The following P2RX4 variants were observed in gnomAD, a reference collection of about 807,000 sequenced individuals.
The protein encoded by P2RX4 is P2X purinoceptor 4.
Under a neutral mutation model 48.0 loss-of-function variants are expected in P2RX4, and 37 were observed. The ratio of observed to expected loss-of-function variants is 0.77; its 90% CI spans 0.59 to 1.01. P2RX4 has a LOEUF of 1.01. P2RX4 is among the 50% of genes least tolerant of loss of function. The pLI is 0.00. For synonymous variants in P2RX4, 200 were observed against 199.7 expected, an observed-to-expected ratio of 1.00 and a Z score of -0.01; for missense variants, 501 against 521.4, an observed-to-expected ratio of 0.96 and a Z score of 0.38.
chr12:121,227,050 G>A (rs963311924), intron 5 of P2RX4, among the ~76,000 whole-genome samples: 1 of 151,970 alleles, frequency 6.6e-6, no homozygotes, highest in East Asian at 1.9e-4. Context: ...AGAGGTTGCA[G>A]TGAGCCGAGA....
chr12:121,217,110 T>G, intron 1 of P2RX4, 24 bp from the exon 2 acceptor site: 2 of 1,612,854 alleles, frequency 1.2e-6, no homozygotes, highest in Non-Finnish European at 1.7e-6. Context: ...AATGGCAATT[T>G]AAGAGGCCTG....
chr12:121,223,615 TAGGACTCTGTC>T (rs1886789838), intron 5 of P2RX4, among the ~76,000 whole-genome samples: 1 of 152,302 alleles, frequency 6.6e-6, no homozygotes, highest in East Asian at 1.9e-4. Flanking sequence ...CCTTGTATGT[TAGGACTCTGTC>T]AGTTGCAAAT....
intron 5 of P2RX4, among the ~76,000 whole-genome samples, chr12:121,227,951 C>T (rs1050331121): frequency 6.6e-6 from 1 of 151,522 alleles, no homozygotes; most frequent in African/African-American, 2.4e-5. Flanking sequence ...TTTCATTAGC[C>T]AGGCATGGTG....
At chr12:121,233,380 C>A in intron 11 of P2RX4, 143 bp from the exon 12 acceptor site, 1 of 814,428 alleles carries the variant, frequency 1.2e-6, no homozygotes, top group South Asian at 1.5e-5. Flanking sequence ...CTTCAGTGCA[C>A]CTTGCGGAAC....
intron 3 of P2RX4, 41 bp downstream of exon 3, chr12:121,222,025 C>G (rs1266175203): frequency 6.3e-7 from 1 of 1,598,000 alleles, no homozygotes; most frequent in South Asian, 1.1e-5. Context: ...CCACACCCCT[C>G]TCCACGCCTG....
In P2RX4 at chr12:121,222,088, T is replaced by C; in HGVS notation, c.355-6T>C. On this transcript the variant is annotated splice_region_variant and splice_polypyrimidine_tract_variant and intron_variant, in intron 3 of 11. Transcript: ENST00000337233. The stretch of plus-strand genomic sequence containing the variant: ...TGGACTTTCTTTTCGCTCCTTCTTT[T>C]TCCAGATTCCAGATGCGACCACTGT... 1 of 1,613,418 alleles carries C rather than the reference T, an allele frequency of 6.2e-7. No individual in the cohort carries two copies. Among genetic ancestry groups the C allele is most frequent in the Non-Finnish European group, 8.5e-7 (1 of 1,179,320 alleles).
At chr12:121,228,235 CAA>C (rs957066775) in intron 5 of P2RX4, among the ~76,000 whole-genome samples, 1 of 151,344 alleles carries the variant, frequency 6.6e-6, no homozygotes, top group Non-Finnish European at 1.5e-5. Flanking sequence ...ACTAAAAATA[CAA>C]AAAAAGTTAA....
At chr12:121,230,788 G>A (rs1028134372) in intron 8 of P2RX4, among the ~76,000 whole-genome samples, 1 of 152,106 alleles carries the variant, frequency 6.6e-6, no homozygotes, top group African/African-American at 2.4e-5. Context: ...GGTGCGGGCC[G>A]AGGCTCCTGA....
At chr12:121,221,793 G>C (rs1886627770) in intron 2 of P2RX4, 120 bp from the exon 3 acceptor site, 1 of 768,338 alleles carries the variant, frequency 1.3e-6, no homozygotes, top group East Asian at 2.4e-5. Context: ...AACTTTGATG[G>C]GAGAGAGCGG....
chr12:121,210,368 C>T, intron 1 of P2RX4, 70 bp downstream of exon 1: 28 of 1,363,112 alleles, frequency 2.1e-5, no homozygotes, highest in Non-Finnish European at 2.5e-5. Flanking sequence ...GCGGCTCATC[C>T]TGGCCTCGGT....
chr12:121,232,916 T>C lies in P2RX4; in HGVS notation c.1045-81T>C. The C allele has an allele frequency of 9.7e-7, 1 of 1,028,926 alleles. No individual in the cohort carries two copies. The highest frequency in any genetic ancestry group is 1.5e-6 in the Non-Finnish European group (1 of 649,656). The allele number at this position is 1,028,926 out of a possible 1,614,324, so 63.7% of individuals were successfully genotyped here. A position where few individuals can be genotyped will look rare whatever the true frequency, so the allele number is the denominator to read the frequency against. On this transcript the variant is annotated intron_variant, in intron 10 of 11. Coordinates refer to ENST00000337233, the MANE Select transcript of P2RX4 (RefSeq NM_002560.3). This position sits in a 1 kb window ranked among gnomAD's most constrained non-coding sequence, Gnocchi z 4.3. ...CATTCCGGTAAAGATTCCAGGCTTC[T>C]CAGGAAGGGGCACGCAAAGAATAAG...
intron 4 of P2RX4, 115 bp downstream of exon 4, chr12:121,222,281 G>T: frequency 2.6e-6 from 2 of 777,670 alleles, no homozygotes; most frequent in Non-Finnish European, 4.4e-6. Context: ...GGTGAGCCAG[G>T]TGCCGAGGCT....
chr12:121,217,209 C>A lies in P2RX4; in HGVS notation c.210C>A (p.Gly70=). The part of the protein sequence containing the change: ...VVSSVTTKVK[G]VAVTNTSKLG... ...GCTCCGTTACGACCAAGGTCAAGGG[C>A]GTGGCTGTGACCAACACTTCTAAAC... is the stretch of plus-strand genomic sequence containing the variant. The change falls in exon 2 of 12, where the codon GGC becomes GGA. Residue 70 remains glycine (G), a synonymous_variant. Transcript: ENST00000337233. 6.2e-7 allele frequency: 1 copy of A among 1,614,200 alleles called. No individual in the cohort carries two copies. The highest frequency in any genetic ancestry group is 1.1e-5 in the South Asian group (1 of 91,090).
In P2RX4 at chr12:121,232,743, T is replaced by TGGCCCTA; in HGVS notation, c.1044+76_1044+82dup. ...AGACCCTGGGCTGGGGTCCTGGTCCTGGCCCTAGGCCCTAGACCTCAGATG... is the reference window on the plus strand; with the variant it reads ...AGACCCTGGGCTGGGGTCCTGGTCCTGGCCCTAGGCCCTAGGCCCTAGACCTCAGATG... On this transcript the variant is annotated intron_variant, in intron 10 of 11. Coordinates refer to ENST00000337233, the MANE Select transcript of P2RX4 (RefSeq NM_002560.3). This position sits in a 1 kb window ranked among gnomAD's most constrained non-coding sequence, Gnocchi z 4.3. 1.5e-6 allele frequency: 2 copies of TGGCCCTA among 1,337,070 alleles called. No individual in the cohort carries two copies. Among genetic ancestry groups the TGGCCCTA allele is most frequent in the South Asian group, 2.3e-5 (2 of 85,616 alleles). The allele number at this position is 1,337,070 out of a possible 1,614,324, so 82.8% of individuals were successfully genotyped here. A position where few individuals can be genotyped will look rare whatever the true frequency, so the allele number is the denominator to read the frequency against.
chr12:121,225,577 A>C (rs1886931438), intron 5 of P2RX4, among the ~76,000 whole-genome samples: 1 of 151,078 alleles, frequency 6.6e-6, no homozygotes, highest in African/African-American at 2.4e-5. Context: ...CACCCAGCTA[A>C]TTTTTTTGTA....
At chr12:121,227,405 T>C (rs1447120348) in intron 5 of P2RX4, among the ~76,000 whole-genome samples, 1 of 152,264 alleles carries the variant, frequency 6.6e-6, no homozygotes, top group Non-Finnish European at 1.5e-5. Flanking sequence ...GTGGCACTTC[T>C]GAGAAGAGGC....
At chr12:121,211,631 A>G (rs936459876) in intron 1 of P2RX4, among the ~76,000 whole-genome samples, 5 of 152,124 alleles carry the variant, frequency 3.3e-5, no homozygotes, top group African/African-American at 1.2e-4. Context: ...GTGGTCTCCA[A>G]ACTGCACATT....
rs753499165 is a variant in P2RX4 at position 121,228,842 on chromosome 12, C to T, written c.723C>T (p.His241=). 10 of 1,614,074 alleles carry T rather than the reference C, an allele frequency of 6.2e-6. No homozygotes were observed. Among genetic ancestry groups the T allele is most frequent in the Non-Finnish European group, 7.6e-6 (9 of 1,180,040 alleles). ...RLGKIVENAG[H]SFQDMAVEGG... is the part of the protein sequence containing the mutation. ...GCAAAATAGTGGAGAACGCAGGACA[C>T]AGTTTCCAGGACATGGCCGTGGAGG... Residue 241 remains histidine (H), a synonymous_variant, in exon 7 of 12, where the codon CAC becomes CAT. Transcript: ENST00000337233.
At position 121,222,151 on chromosome 12, in the gene P2RX4, G is replaced by A. The variant is rs754264109; in HGVS notation, c.412G>A (p.Gly138Ser). The stretch of plus-strand genomic sequence containing the variant: ...TGCCAGCTGTACTGCCGGCTCTGCC[G>A]GCACCCACAGCAACGGTACGAGCTT... ...SDASCTAGSA[G>S]THSNGVSTGR... is the part of the protein sequence containing the mutation. The change falls in exon 4 of 12, where the codon GGC (glycine) becomes AGC (serine). Residue 138 changes from glycine to serine, a missense_variant. Gly to Ser is a moderately conservative substitution (Grantham distance 56). Transcript: ENST00000337233. 12 of 1,611,190 alleles carry A rather than the reference G, an allele frequency of 7.4e-6. No homozygotes were observed. Among genetic ancestry groups the A allele is most frequent in the Middle Eastern group, 1.7e-4 (1 of 6,056 alleles).
Sources: allele counts gnomAD v4.1 joint callset (sites outside exome capture counted in the v4.1 genomes callset), GRCh38; gene constraint gnomAD v4.1.1; non-coding constraint Gnocchi (gnomAD v3.1); transcripts MANE v1.5; gene names NCBI Gene and HGNC (gene_info 2026-07-23, HGNC 2026-07-21).